The following DENND2B variants were observed in gnomAD, a reference collection of about 807,000 sequenced individuals.
DENND2B encodes DENN domain containing 2B.
A neutral mutation model predicts 116.0 loss-of-function variants in DENND2B; 32 were observed. That is an observed-to-expected ratio of 0.28 (90% CI 0.21 to 0.37). DENND2B has a LOEUF of 0.37. DENND2B is among the 10% of genes least tolerant of loss of function. The pLI is 1.00. For synonymous variants in DENND2B, 588 were observed against 583.9 expected (o/e 1.01, Z -0.10); for missense variants, 1,276 against 1,477.7 (o/e 0.86, Z 2.24).
At chr11:8,862,876 C>T (rs1482865094) in intron 2 of DENND2B, among the ~76,000 whole-genome samples, 1 of 152,072 alleles carries the variant, frequency 6.6e-6, no homozygotes. Context: ...ACTATGTAGG[C>T]GACTCAAATG....
chr11:8,844,734 T>C (rs1277366840), intron 3 of DENND2B, among the ~76,000 whole-genome samples: 1 of 87,458 alleles, frequency 1.1e-5, no homozygotes, highest in East Asian at 7.2e-4. Flanking sequence ...TTTTATTCTA[T>C]TTATTTTATT....
At chr11:8,770,727 T>G (rs1285894271) in intron 1 of DENND2B, among the ~76,000 whole-genome samples, 1 of 152,230 alleles carries the variant, frequency 6.6e-6, no homozygotes, top group Non-Finnish European at 1.5e-5. Context: ...GGTCTTGCTC[T>G]GTCACCCAGG....
rs188466583 is a variant in DENND2B at position 8,806,838 on chromosome 11, G to A, written c.-26+3679C>T. The stretch of plus-strand genomic sequence containing the variant: ...CTCCCCAGCCCCTGCCTCCCCAGGA[G>A]AAGGCACACACTAATGCAAGTTTTC... On this transcript the variant is annotated intron_variant, in intron 1 of 19. Coordinates refer to ENST00000313726, the MANE Select transcript of DENND2B (RefSeq NM_213618.2). Among the ~76,000 whole-genome samples, 584 of 151,830 alleles carry A rather than the reference G, an allele frequency of 3.8e-3. 5 individuals carry two copies. The highest frequency in any genetic ancestry group is 4.6e-3 in the Non-Finnish European group (311 of 67,974).
chr11:8,861,111 T>C (rs564690985), intron 2 of DENND2B, among the ~76,000 whole-genome samples: 1 of 152,240 alleles, frequency 6.6e-6, no homozygotes, highest in South Asian at 2.1e-4. Flanking sequence ...AAAACTCTTC[T>C]GGACATTGGG....
chr11:8,854,474 T>C (rs967991002), intron 3 of DENND2B, among the ~76,000 whole-genome samples: 2 of 152,114 alleles, frequency 1.3e-5, no homozygotes, highest in Admixed American at 6.5e-5. Flanking sequence ...AGTGTTGAGA[T>C]TACAGACATG....
chr11:8,744,265 C>T (rs1359192333), intron 2 of DENND2B, among the ~76,000 whole-genome samples: 1 of 151,752 alleles, frequency 6.6e-6, no homozygotes, highest in Non-Finnish European at 1.5e-5. Context: ...TCCCAAGTAG[C>T]TGGGATTACA....
At position 8,730,597 on chromosome 11, in the gene DENND2B, G is replaced by A. The variant is rs776985375; in HGVS notation, c.693C>T (p.Thr231=). Residue 231 remains threonine (T), a synonymous_variant, in exon 3 of 20, where the codon ACC becomes ACT. Coordinates refer to ENST00000313726, the MANE Select transcript of DENND2B (RefSeq NM_213618.2). The surrounding 1 kb of genome is among the most constrained non-coding windows in gnomAD (Gnocchi z 4.1). ...TCTCTGGGTAGGAACACTCGGAGAA[G>A]GTCCTGCTCATCCTCCGGAGGCCCT... ...DFKGLRRMSR[T]FSECSYPETE... 3.7e-6 allele frequency: 6 copies of A among 1,613,150 alleles called. No homozygotes were observed.
chr11:8,763,368 C>T (rs2055027762), intron 1 of DENND2B, among the ~76,000 whole-genome samples: 1 of 152,036 alleles, frequency 6.6e-6, no homozygotes, highest in African/African-American at 2.4e-5. Flanking sequence ...ACCCATGACC[C>T]AGCAATTCCT....
chr11:8,710,020 G>A (rs2043317054), intron 11 of DENND2B, among the ~76,000 whole-genome samples: 1 of 152,118 alleles, frequency 6.6e-6, no homozygotes, highest in African/African-American at 2.4e-5. Context: ...TTCTGATAAG[G>A]GATGATAAGT....
intron 9 of DENND2B, chr11:8,711,872 A>T (rs1444984029): frequency 2.6e-6 from 1 of 381,788 alleles, no homozygotes; most frequent in Non-Finnish European, 5.3e-6. Flanking sequence ...CGTCTCGAAT[A>T]AAAAAATAAA....
intron 1 of DENND2B, among the ~76,000 whole-genome samples, chr11:8,894,229 C>T (rs995298658): frequency 1.5e-3 from 230 of 152,264 alleles, no homozygotes; most frequent in African/African-American, 5.0e-3. Flanking sequence ...CTTCCTTACA[C>T]CTTATACAAA....
At chr11:8,882,147 A>G (rs1266359385) in intron 1 of DENND2B, among the ~76,000 whole-genome samples, 2 of 152,050 alleles carry the variant, frequency 1.3e-5, no homozygotes, top group Non-Finnish European at 2.9e-5. Context: ...ACTTCCAACT[A>G]CCTTGTGGAT....
At chr11:8,790,942 A>G (rs2059326987) in intron 1 of DENND2B, among the ~76,000 whole-genome samples, 1 of 152,182 alleles carries the variant, frequency 6.6e-6, no homozygotes, top group Non-Finnish European at 1.5e-5. Context: ...TGCCTTTTAA[A>G]ATACAGTTAG....
chr11:8,828,702 G>A (rs2062074401), intron 4 of DENND2B, among the ~76,000 whole-genome samples: 1 of 152,176 alleles, frequency 6.6e-6, no homozygotes, highest in South Asian at 2.1e-4. Flanking sequence ...TCCAGCTTCT[G>A]ACCCGGATGG....
intron 1 of DENND2B, among the ~76,000 whole-genome samples, chr11:8,760,145 G>A (rs1017060917): frequency 5.9e-5 from 9 of 152,140 alleles, no homozygotes; most frequent in African/African-American, 2.2e-4. Flanking sequence ...CGACTTGCCT[G>A]GTTCTCTAAG....
At chr11:8,837,034 G>T (rs997464365) in intron 4 of DENND2B, among the ~76,000 whole-genome samples, 11 of 151,744 alleles carry the variant, frequency 7.2e-5, no homozygotes, top group Non-Finnish European at 2.9e-5. Context: ...TTCTTTAGGA[G>T]AATTTCTGCC....
intron 1 of DENND2B, among the ~76,000 whole-genome samples, chr11:8,910,550 ACTC>A (rs1438711207): frequency 1.3e-5 from 2 of 148,198 alleles, no homozygotes; most frequent in African/African-American, 2.5e-5. Context: ...GCGCGCCACC[ACTC>A]CTCCTACTGT....
At chr11:8,775,264 C>T (rs1228934578) in intron 1 of DENND2B, among the ~76,000 whole-genome samples, 2 of 152,070 alleles carry the variant, frequency 1.3e-5, no homozygotes, top group Non-Finnish European at 2.9e-5. Flanking sequence ...GTCGTGTTAT[C>T]TCCTTGAAAA....
intron 2 of DENND2B, among the ~76,000 whole-genome samples, chr11:8,867,788 GC>G (rs1335606103): frequency 6.6e-6 from 1 of 151,794 alleles, no homozygotes; most frequent in East Asian, 1.9e-4. Context: ...TCACCATGTT[GC>G]CCAGGCTGGT....
Sources: allele counts gnomAD v4.1 joint callset (sites outside exome capture counted in the v4.1 genomes callset), GRCh38; gene constraint gnomAD v4.1.1; non-coding constraint Gnocchi (gnomAD v3.1); transcripts MANE v1.5; gene names NCBI Gene and HGNC (gene_info 2026-07-23, HGNC 2026-07-21).